The following CSMD1 variants were observed in gnomAD, a reference collection of about 807,000 sequenced individuals.
The protein encoded by CSMD1 is CUB and Sushi multiple domains 1, also known as CUB and sushi domain-containing protein 1.
CSMD1 carries 213 observed loss-of-function variants against 417.5 expected under a neutral mutation model. The observed-to-expected ratio is 0.51, with a 90% confidence interval of 0.46 to 0.57. CSMD1 has a LOEUF of 0.57. CSMD1 is among the 20% of genes least tolerant of loss of function. CSMD1 has a pLI of 0.00. For synonymous variants in CSMD1, 2,862 were observed against 1,736.8 expected (o/e 1.65, Z -16.11); for missense variants, 6,923 against 4,529.7 (o/e 1.53, Z -15.17).
intron 1 of CSMD1, among the ~76,000 whole-genome samples, chr8:4,761,587 G>T (rs1253957412): frequency 6.6e-6 from 1 of 151,986 alleles, no homozygotes; most frequent in Non-Finnish European, 1.5e-5. Flanking sequence ...AGCTGCGATG[G>T]TTACCTCTTA....
intron 1 of CSMD1, among the ~76,000 whole-genome samples, chr8:4,696,088 C>T (rs1302417922): frequency 1.3e-5 from 2 of 152,146 alleles, no homozygotes; most frequent in Non-Finnish European, 2.9e-5. Flanking sequence ...GGTTCATGAT[C>T]AATCAACAGC....
chr8:4,921,908 A>T (rs1425963260), intron 1 of CSMD1, among the ~76,000 whole-genome samples: 1 of 152,228 alleles, frequency 6.6e-6, no homozygotes, highest in Non-Finnish European at 1.5e-5. Flanking sequence ...CCATGCAAGA[A>T]GCCACCTCCA....
intron 3 of CSMD1, among the ~76,000 whole-genome samples, chr8:4,106,087 C>T (rs933951813): frequency 7.9e-5 from 12 of 152,186 alleles, no homozygotes; most frequent in Non-Finnish European, 1.3e-4. Context: ...TATGTAGAGT[C>T]TCTGAGGCAG....
At chr8:4,244,629 A>G (rs1215236258) in intron 3 of CSMD1, among the ~76,000 whole-genome samples, 3 of 152,096 alleles carry the variant, frequency 2.0e-5, no homozygotes, top group African/African-American at 7.2e-5. Context: ...GAACATGACA[A>G]ATTTCTTCAA....
intron 23 of CSMD1, among the ~76,000 whole-genome samples, chr8:3,339,203 T>C (rs1807480440): frequency 1.3e-5 from 2 of 152,102 alleles, no homozygotes; most frequent in South Asian, 2.1e-4. Context: ...CCATGGTGTA[T>C]ATGTGCCACA....
intron 10 of CSMD1, among the ~76,000 whole-genome samples, chr8:3,539,763 T>TAA (rs33938448): frequency 0.31 from 40,730 of 129,394 alleles, 6,644 homozygotes; most frequent in Non-Finnish European, 0.41. Context: ...TTCTTTATGA[T>TAA]AAAAAAAAAA....
At chr8:4,869,663 A>G (rs1242491415) in intron 1 of CSMD1, among the ~76,000 whole-genome samples, 1 of 152,094 alleles carries the variant, frequency 6.6e-6, no homozygotes, top group Non-Finnish European at 1.5e-5. Flanking sequence ...GATTTTTAAA[A>G]AACATTAGGG....
At chr8:3,805,377 G>T (rs1800674839) in intron 5 of CSMD1, among the ~76,000 whole-genome samples, 1 of 152,088 alleles carries the variant, frequency 6.6e-6, no homozygotes. Context: ...GGAGCCACAA[G>T]TTACCCCTAA....
chr8:3,308,258 C>G (rs1805042623), intron 24 of CSMD1, 54 bp downstream of exon 24: 11 of 1,400,188 alleles, frequency 7.9e-6, no homozygotes, highest in Admixed American at 1.9e-5. Context: ...CAACATGGTG[C>G]AAGCACCCTA....
intron 5 of CSMD1, among the ~76,000 whole-genome samples, chr8:3,977,888 A>G (rs1344843902): frequency 7.9e-5 from 12 of 152,230 alleles, no homozygotes; most frequent in African/African-American, 2.4e-5. Context: ...AATAAACTCA[A>G]GAATGGTAAC....
At chr8:3,223,157 A>T (rs1448692064) in intron 28 of CSMD1, among the ~76,000 whole-genome samples, 1 of 152,198 alleles carries the variant, frequency 6.6e-6, no homozygotes, top group Non-Finnish European at 1.5e-5. Context: ...TAAAGAGTTT[A>T]TTTTCATAAA....
chr8:3,703,860 C>T (rs1005570516), intron 7 of CSMD1, among the ~76,000 whole-genome samples: 2 of 152,130 alleles, frequency 1.3e-5, no homozygotes, highest in East Asian at 1.9e-4. Context: ...CACCTGAGGT[C>T]AGGAGTTTGA....
chr8:4,323,614 A>C, intron 3 of CSMD1, among the ~76,000 whole-genome samples: 1 of 152,180 alleles, frequency 6.6e-6, no homozygotes, highest in East Asian at 1.9e-4. Flanking sequence ...CAACAGTGCG[A>C]CAGAAACCAG....
At chr8:3,548,662 ACAC>A (rs1798779267) in intron 10 of CSMD1, among the ~76,000 whole-genome samples, 1 of 102,220 alleles carries the variant, frequency 9.8e-6, no homozygotes, top group African/African-American at 3.1e-5. Flanking sequence ...TCCATCATAC[ACAC>A]ACACACACAC....
At chr8:4,677,892 A>G (rs1218646356) in intron 1 of CSMD1, among the ~76,000 whole-genome samples, 1 of 152,200 alleles carries the variant, frequency 6.6e-6, no homozygotes, top group South Asian at 2.1e-4. Flanking sequence ...TGAATGCTGT[A>G]AAGTGTGACA....
chr8:3,846,792 G>C (rs536050934), intron 5 of CSMD1, among the ~76,000 whole-genome samples: 1 of 152,166 alleles, frequency 6.6e-6, no homozygotes, highest in South Asian at 2.1e-4. Context: ...TCCTGTCTCA[G>C]CCTCCCAAGT....
chr8:4,885,480 G>T (rs1803678514), intron 1 of CSMD1, among the ~76,000 whole-genome samples: 1 of 151,932 alleles, frequency 6.6e-6, no homozygotes, highest in Non-Finnish European at 1.5e-5. Flanking sequence ...TTTCATAAAT[G>T]TCCTTTATCA....
chr8:4,273,835 G>A (rs143373236), intron 3 of CSMD1, among the ~76,000 whole-genome samples: 2 of 152,138 alleles, frequency 1.3e-5, no homozygotes, highest in South Asian at 2.1e-4. Context: ...CCAAATGGTT[G>A]TGAAGGTGAA....
At chr8:3,059,182 G>A (rs891800247) in intron 49 of CSMD1, among the ~76,000 whole-genome samples, 2 of 151,228 alleles carry the variant, frequency 1.3e-5, no homozygotes, top group Non-Finnish European at 2.9e-5. Context: ...AATAATAATG[G>A]CTTGTTAAGA....
Sources: gnomAD v4.1 joint callset for allele counts (sites outside exome capture counted in the v4.1 genomes callset) on GRCh38, gnomAD v4.1.1 for gene constraint, MANE v1.5 for transcripts, NCBI Gene and HGNC (gene_info 2026-07-23, HGNC 2026-07-21) for gene names.